The following ZNF609 variants were observed in gnomAD, a reference collection of about 807,000 sequenced individuals.
ZNF609 encodes the protein zinc finger protein 609.
ZNF609 carries 11 observed loss-of-function variants against 109.5 expected under a neutral mutation model. The observed-to-expected ratio is 0.10, with a 90% CI of 0.06 to 0.17. The LOEUF (loss-of-function observed/expected upper bound fraction) is 0.17. Among genes scored for constraint, ZNF609 ranks in the 10% least tolerant of loss-of-function variants. The pLI is 1.00. For synonymous variants in ZNF609, 646 were observed against 662.0 expected (o/e 0.98, Z 0.37); for missense variants, 1,559 against 1,772.4 (o/e 0.88, Z 2.16).
chr15:64,581,101 C>A (rs1412568266), intron 2 of ZNF609, among the ~76,000 whole-genome samples: 1 of 151,600 alleles, frequency 6.6e-6, no homozygotes, highest in Non-Finnish European at 1.5e-5. Flanking sequence ...TCATAGCACA[C>A]TGTGACCTTG....
intron 2 of ZNF609, among the ~76,000 whole-genome samples, chr15:64,547,220 C>T (rs1460480938): frequency 6.6e-6 from 1 of 152,122 alleles, no homozygotes; most frequent in African/African-American, 2.4e-5. Flanking sequence ...GCCCTTATTT[C>T]TAGCAGTTGT....
At chr15:64,592,974 C>T in intron 2 of ZNF609, 1 of 1,274,288 alleles carries the variant, frequency 7.8e-7, no homozygotes, top group Non-Finnish European at 1.1e-6. Flanking sequence ...GTCCGTGCCT[C>T]CAAGATGACA....
chr15:64,541,403 G>GGCCA lies in ZNF609; in HGVS notation c.747+41239_747+41240insCAGC, dbSNP rs1393843226. 4.0e-5 allele frequency among the ~76,000 whole-genome samples: 6 copies of GGCCA among 149,860 alleles called. No individual in the cohort carries two copies. In the South Asian group the frequency reaches 6.4e-4, roughly 16 times the overall value. On this transcript the variant is annotated intron_variant, in intron 2 of 9. Coordinates refer to ENST00000326648, the MANE Select transcript of ZNF609 (RefSeq NM_015042.2). ...GATCGCGCCACTGCACTCCAGCCTG[G>GGCCA]GCGACAGAGCGAGACTCCGTCTCAA...
chr15:64,507,755 T>C (rs1054849554), intron 2 of ZNF609, among the ~76,000 whole-genome samples: 7 of 152,194 alleles, frequency 4.6e-5, no homozygotes, highest in Admixed American at 1.3e-4. Context: ...GTGGCAAAGC[T>C]GTGGAGGAGG....
At chr15:64,483,541 C>G (rs1175495128) in intron 1 of ZNF609, among the ~76,000 whole-genome samples, 1 of 152,136 alleles carries the variant, frequency 6.6e-6, no homozygotes, top group Non-Finnish European at 1.5e-5. Context: ...TGCATACCAC[C>G]ACGCCTGGCT....
Position 64,499,352 on chromosome 15 carries a change from A to G in ZNF609, c.-68A>G, listed in dbSNP as rs1566998565. On this transcript the variant is annotated 5_prime_UTR_variant, in exon 2 of 10. Coordinates refer to ENST00000326648, the MANE Select transcript of ZNF609 (RefSeq NM_015042.2). Reference sequence around the variant, plus strand: ...TGTGGCAGGTCTGAGAACATAGCTGAAGCTGAAAATAGGAAAGCTGGGGGC... The same window carrying G: ...TGTGGCAGGTCTGAGAACATAGCTGGAGCTGAAAATAGGAAAGCTGGGGGC... 6.4e-7 allele frequency: 1 copy of G among 1,564,418 alleles called. No homozygotes were observed. The highest frequency in any genetic ancestry group is 8.6e-7 in the Non-Finnish European group (1 of 1,156,342).
chr15:64,554,918 G>A (rs1227112515), intron 2 of ZNF609, among the ~76,000 whole-genome samples: 3 of 151,844 alleles, frequency 2.0e-5, no homozygotes, highest in African/African-American at 7.3e-5. Context: ...CCAACATGCT[G>A]AAACCCCATC....
At chr15:64,632,982 CTA>C (rs1285889077) in intron 3 of ZNF609, among the ~76,000 whole-genome samples, 1 of 151,392 alleles carries the variant, frequency 6.6e-6, no homozygotes, top group Non-Finnish European at 1.5e-5. Context: ...TGGGGTCTCA[CTA>C]TGTTTTACAG....
At chr15:64,608,873 G>T (rs1391791639) in intron 2 of ZNF609, among the ~76,000 whole-genome samples, 1 of 151,756 alleles carries the variant, frequency 6.6e-6, no homozygotes. Context: ...TAAGTAGCTG[G>T]GACAACAGGC....
intron 3 of ZNF609, 63 bp downstream of exon 3, chr15:64,623,115 G>T: frequency 6.6e-7 from 1 of 1,513,842 alleles, no homozygotes; most frequent in Non-Finnish European, 9.2e-7. Flanking sequence ...AGCCACCAGG[G>T]ACTTATTGTT....
intron 3 of ZNF609, among the ~76,000 whole-genome samples, chr15:64,641,742 G>T (rs912434047): frequency 1.3e-5 from 2 of 152,118 alleles, no homozygotes; most frequent in Non-Finnish European, 2.9e-5. Flanking sequence ...ATAACTGTGG[G>T]TGGGAGCCAG....
chr15:64,578,522 G>A (rs968154193), intron 2 of ZNF609, among the ~76,000 whole-genome samples: 7 of 152,130 alleles, frequency 4.6e-5, no homozygotes, highest in East Asian at 1.9e-4. Flanking sequence ...GTGAATCCCC[G>A]TCTCTACTAA....
At chr15:64,573,530 T>G (rs1222787491) in intron 2 of ZNF609, among the ~76,000 whole-genome samples, 2 of 151,586 alleles carry the variant, frequency 1.3e-5, no homozygotes, top group East Asian at 3.9e-4. Flanking sequence ...AATTTAATTT[T>G]TTTTTTTTTG....
At chr15:64,615,477 T>G (rs1895785126) in intron 2 of ZNF609, among the ~76,000 whole-genome samples, 1 of 151,736 alleles carries the variant, frequency 6.6e-6, no homozygotes, top group Non-Finnish European at 1.5e-5. Flanking sequence ...TTTAGTGTAT[T>G]TGATGACATC....
At chr15:64,656,882 T>C (rs1896496340) in intron 3 of ZNF609, among the ~76,000 whole-genome samples, 1 of 151,484 alleles carries the variant, frequency 6.6e-6, no homozygotes, top group Non-Finnish European at 1.5e-5. Context: ...ACCTCCAAGA[T>C]TAGAACACAA....
intron 2 of ZNF609, among the ~76,000 whole-genome samples, chr15:64,578,551 T>C (rs568779020): frequency 1.1e-4 from 17 of 151,972 alleles, no homozygotes; most frequent in Non-Finnish European, 2.1e-4. Flanking sequence ...AAATCAGCCA[T>C]GTGTGGTGGC....
intron 3 of ZNF609, among the ~76,000 whole-genome samples, chr15:64,626,886 T>C (rs1895971197): frequency 6.6e-6 from 1 of 152,208 alleles, no homozygotes; most frequent in South Asian, 2.1e-4. Context: ...CTGTTTGTTT[T>C]TGAGACATTC....
chr15:64,633,845 C>T (rs979701966), intron 3 of ZNF609, among the ~76,000 whole-genome samples: 60 of 151,162 alleles, frequency 4.0e-4, no homozygotes, highest in African/African-American at 1.3e-3. Flanking sequence ...AGTGCCACTG[C>T]GCTCCAGCCT....
chr15:64,544,333 T>C (rs1894322126), intron 2 of ZNF609, among the ~76,000 whole-genome samples: 1 of 152,186 alleles, frequency 6.6e-6, no homozygotes, highest in Admixed American at 6.6e-5. Context: ...AGTGAGACTC[T>C]GTCCTAAGAA....
Sources: gnomAD v4.1 joint callset for allele counts (sites outside exome capture counted in the v4.1 genomes callset) on GRCh38, gnomAD v4.1.1 for gene constraint, MANE v1.5 for transcripts, NCBI Gene and HGNC (gene_info 2026-07-23, HGNC 2026-07-21) for gene names.